Variants in ABCC2 observed in about 807,000 individuals in gnomAD.
The protein encoded by ABCC2 is ATP binding cassette subfamily C member 2.
ABCC2 carries 157 observed loss-of-function variants against 173.4 expected under a neutral mutation model. The observed-to-expected ratio is 0.91, with a 90% CI of 0.80 to 1.03. The LOEUF (loss-of-function observed/expected upper bound fraction) is 1.03, where lower values mean the gene tolerates loss of function less well. ABCC2 is among the 50% of genes least tolerant of loss of function. ABCC2 has a pLI of 0.00. For synonymous variants in ABCC2, 657 were observed against 693.5 expected (o/e 0.95, Z 0.83); for missense variants, 1,822 against 1,852.3 (o/e 0.98, Z 0.30).
At chr10:99,828,918 A>G (rs573534029) in intron 19 of ABCC2, among the ~76,000 whole-genome samples, 20 of 151,626 alleles carry the variant, frequency 1.3e-4, no homozygotes, top group Non-Finnish European at 2.4e-4. Flanking sequence ...ACATGTGCAC[A>G]GCTCTGCATG....
intron 30 of ABCC2, 74 bp from the exon 31 acceptor site, chr10:99,850,528 G>A: frequency 6.8e-7 from 1 of 1,465,474 alleles, no homozygotes; most frequent in South Asian, 1.2e-5. Flanking sequence ...TCTGGAACAT[G>A]AAAATGGTCC....
intron 19 of ABCC2, among the ~76,000 whole-genome samples, chr10:99,820,741 G>A (rs2038520403): frequency 6.6e-6 from 1 of 152,186 alleles, no homozygotes; most frequent in South Asian, 2.1e-4. Context: ...CAGCAGAAAG[G>A]AGCAATTGAA....
At position 99,843,787 on chromosome 10, in the gene ABCC2, G is replaced by C. The variant is rs1232223149; in HGVS notation, c.3742-12G>C. Reference sequence around the variant, plus strand: ...GCCTATGATGATTTTCAGTCTTCTGGTTTTTCTGTAGATCACACAAACCCT... The same window carrying C: ...GCCTATGATGATTTTCAGTCTTCTGCTTTTTCTGTAGATCACACAAACCCT... On this transcript the variant is annotated splice_polypyrimidine_tract_variant and intron_variant, in intron 26 of 31. Coordinates refer to ENST00000647814, the MANE Select transcript of ABCC2 (RefSeq NM_000392.5). The C allele has an allele frequency of 1.2e-6, 2 of 1,611,370 alleles. No individual in the cohort carries two copies. Among genetic ancestry groups the C allele is most frequent in the Non-Finnish European group, 1.7e-6 (2 of 1,177,662 alleles).
chr10:99,803,536 G>A (rs569492794), intron 9 of ABCC2, among the ~76,000 whole-genome samples: 2 of 152,012 alleles, frequency 1.3e-5, no homozygotes, highest in Non-Finnish European at 2.9e-5. Flanking sequence ...TCTACTATGT[G>A]CCACATAATA....
At chr10:99,823,944 T>A in intron 19 of ABCC2, among the ~76,000 whole-genome samples, 1 of 142,876 alleles carries the variant, frequency 7.0e-6, no homozygotes, top group African/African-American at 2.7e-5. Flanking sequence ...TGTAAAAGTC[T>A]TAACTGTACT....
At chr10:99,828,764 C>G (rs180727609) in intron 19 of ABCC2, among the ~76,000 whole-genome samples, 173 of 152,100 alleles carry the variant, frequency 1.1e-3, no homozygotes, top group Non-Finnish European at 1.9e-3. Flanking sequence ...CTGAGAGGTT[C>G]TGTGTGTGTG....
rs1590185865 is a variant in ABCC2 at position 99,836,178 on chromosome 10, T to C, written c.3502T>C (p.Ser1168Pro). The C allele has an allele frequency of 6.2e-7, 1 of 1,614,208 alleles. No homozygotes were observed. Among genetic ancestry groups the C allele is most frequent in the Non-Finnish European group, 8.5e-7 (1 of 1,180,042 alleles). The change falls in exon 25 of 32, where the codon TCA becomes CCA. Residue 1168 changes from serine to proline, a missense_variant. Physicochemically the swap from Ser to Pro is moderately conservative, Grantham distance 74. Transcript: ENST00000647814. ...PIYSHFSETV[S>P]GLPVIRAFEH... is the part of the protein sequence containing the mutation. Reference sequence around the variant, plus strand: ...CTACTCTCACTTCAGCGAGACCGTATCAGGTTTGCCAGTTATCCGTGCCTT... The same window carrying C: ...CTACTCTCACTTCAGCGAGACCGTACCAGGTTTGCCAGTTATCCGTGCCTT...
chr10:99,782,714 G>A lies in ABCC2; in HGVS notation c.-131G>A. 2 of 1,060,678 alleles carry A rather than the reference G, an allele frequency of 1.9e-6. No homozygotes were observed. The highest frequency in any genetic ancestry group is 2.9e-6 in the Non-Finnish European group (2 of 697,212). 65.7% of individuals were successfully genotyped at this position (1,060,678 alleles called of 1,614,324 possible). A position where few individuals can be genotyped will look rare whatever the true frequency, so the allele number is the denominator to read the frequency against. ...TAACGATTAAATGGTTGGGATGAAA[G>A]GTCATCCTTTACGGAGAACATCAGA... On this transcript the variant is annotated 5_prime_UTR_variant, in exon 1 of 32. Transcript: ENST00000647814.
intron 4 of ABCC2, 73 bp downstream of exon 4, chr10:99,793,758 A>G: frequency 6.2e-7 from 1 of 1,602,748 alleles, no homozygotes; most frequent in Non-Finnish European, 8.5e-7. Flanking sequence ...AATGGCATCA[A>G]GTTGAGCTCC....
intron 11 of ABCC2, 59 bp downstream of exon 11, chr10:99,805,506 G>C: frequency 1.3e-6 from 2 of 1,549,368 alleles, no homozygotes; most frequent in South Asian, 1.1e-5. Flanking sequence ...TGGCTCTCTT[G>C]GCCTTTGCAA....
chr10:99,785,328 T>A (rs1028036113), intron 2 of ABCC2, among the ~76,000 whole-genome samples: 1 of 151,880 alleles, frequency 6.6e-6, no homozygotes, highest in Non-Finnish European at 1.5e-5. Context: ...AGGGAAATAA[T>A]GGAAAGGACA....
At position 99,799,323 on chromosome 10, in the gene ABCC2, G is replaced by A. The variant is rs181542662; in HGVS notation, c.984G>A (p.Leu328=). 2.5e-6 allele frequency: 4 copies of A among 1,614,136 alleles called. No individual in the cohort carries two copies. The African/African-American group carries it at 4.0e-5, about 16-fold the overall frequency. Residue 328 remains leucine (L), a synonymous_variant, in exon 8 of 32, where the codon CTG becomes CTA. Transcript: ENST00000647814. The part of the protein sequence containing the change: ...FYMVLLKSFL[L]KLVNDIFTFV... ...TGGTGCTCCTGAAATCATTCCTACTGAAGCTAGTGAATGACATCTTCACGT... is the reference window on the plus strand; with the variant it reads ...TGGTGCTCCTGAAATCATTCCTACTAAAGCTAGTGAATGACATCTTCACGT...
chr10:99,824,599 G>C (rs1270916652), intron 19 of ABCC2, among the ~76,000 whole-genome samples: 3 of 148,896 alleles, frequency 2.0e-5, no homozygotes, highest in Non-Finnish European at 4.5e-5. Flanking sequence ...CTGGTGGCTG[G>C]TTCTTTATTA....
intron 8 of ABCC2, among the ~76,000 whole-genome samples, chr10:99,800,018 A>G (rs2037986284): frequency 2.0e-5 from 3 of 152,154 alleles, no homozygotes; most frequent in Admixed American, 2.0e-4. Context: ...GCTGGTCAAC[A>G]TAACGAGACC....
chr10:99,785,782 G>A (rs898541019), intron 2 of ABCC2, among the ~76,000 whole-genome samples: 1 of 152,050 alleles, frequency 6.6e-6, no homozygotes, highest in Non-Finnish European at 1.5e-5. Context: ...GCCTCCCAAA[G>A]TGCTGCGATT....
At position 99,851,612 on chromosome 10, in the gene ABCC2, T is replaced by C; in HGVS notation, c.4619T>C (p.Val1540Ala). 1 of 1,614,198 alleles carries C rather than the reference T, an allele frequency of 6.2e-7. No individual in the cohort carries two copies. Among genetic ancestry groups the C allele is most frequent in the Non-Finnish European group, 8.5e-7 (1 of 1,180,016 alleles). ...GCTAAGGAAGCTGGCATTGAGAATG[T>C]GAACAGCACAAAATTCTAGCAGAAG... ...FMAKEAGIENVNSTKF is the reference protein window; with the variant it reads ...FMAKEAGIENANSTKF The change falls in exon 32 of 32, where the codon GTG (valine) becomes GCG (alanine). Residue 1540 changes from valine (V) to alanine (A), a missense_variant. Physicochemically the swap from Val to Ala is moderately conservative, Grantham distance 64 (BLOSUM62 0). Transcript: ENST00000647814.
Position 99,814,090 on chromosome 10 carries a change from C to T in ABCC2, c.2094+946C>T, listed in dbSNP as rs2038266315. Among the ~76,000 whole-genome samples, 2 of 139,206 alleles carry T rather than the reference C, an allele frequency of 1.4e-5. 1 individual carries two copies. The allele number at this position is 139,206 out of a possible 152,430, so 91.3% of individuals were successfully genotyped here. ...ATATATATATGTGTATGTGTATATACACATATATATACACACATATGTGTA... is the reference window on the plus strand; with the variant it reads ...ATATATATATGTGTATGTGTATATATACATATATATACACACATATGTGTA... On this transcript the variant is annotated intron_variant, in intron 16 of 31. Transcript: ENST00000647814.
intron 19 of ABCC2, among the ~76,000 whole-genome samples, chr10:99,823,682 A>C (rs2133092897): frequency 7.0e-6 from 1 of 142,326 alleles, no homozygotes; most frequent in Admixed American, 7.2e-5. Flanking sequence ...CTAAAGGTTC[A>C]CGTCTGGTAA....
rs2038145676 is a variant in ABCC2, at chr10:99,808,173, A to G, written c.1759A>G (p.Asn587Asp). The change falls in exon 13 of 32, where the codon AAT (asparagine) becomes GAT (aspartate). Residue 587 changes from asparagine to aspartate, a missense_variant. Asn to Asp is a conservative substitution (Grantham distance 23, BLOSUM62 1). Transcript: ENST00000647814. Reference protein sequence around the residue: ...QKAFTSITLFNILRFPLSMLP... With the variant: ...QKAFTSITLFDILRFPLSMLP... ...GGCCTTCACCTCCATTACCCTCTTCAATATCCTGCGCTTTCCCCTGAGCAT... is the reference window on the plus strand; with the variant it reads ...GGCCTTCACCTCCATTACCCTCTTCGATATCCTGCGCTTTCCCCTGAGCAT... The G allele has an allele frequency of 6.2e-7, 1 of 1,613,938 alleles. No homozygotes were observed. Among genetic ancestry groups the G allele is most frequent in the Admixed American group, 1.7e-5 (1 of 59,996 alleles).
Sources: allele counts gnomAD v4.1 joint callset (sites outside exome capture counted in the v4.1 genomes callset), GRCh38; gene constraint gnomAD v4.1.1; transcripts MANE v1.5; gene names NCBI Gene and HGNC (gene_info 2026-07-23, HGNC 2026-07-21).